DUSP29: variants seen among roughly 807,000 people sequenced by gnomAD.
DUSP29 encodes atypical dual-specific protein phosphatase.
DUSP29 carries 12 observed loss-of-function variants against 13.5 expected under a neutral mutation model. That is an observed-to-expected ratio of 0.89 (90% CI 0.57 to 1.44). The LOEUF (loss-of-function observed/expected upper bound fraction) is 1.44. Ranked by LOEUF, DUSP29 falls within the 40% of genes most tolerant of loss-of-function variation. The pLI is 0.00. For missense variants in DUSP29, 308 were observed against 301.1 expected, an observed-to-expected ratio of 1.02 and a Z score of -0.17; for synonymous variants, 134 against 128.7, an observed-to-expected ratio of 1.04 and a Z score of -0.28.
intron 1 of DUSP29, among the ~76,000 whole-genome samples, chr10:75,070,848 T>C (rs1847313608): frequency 1.3e-5 from 2 of 152,130 alleles, no homozygotes; most frequent in South Asian, 2.1e-4. Context: ...TCTGACCCCC[T>C]CGTTACTGTG....
intron 1 of DUSP29, among the ~76,000 whole-genome samples, chr10:75,072,763 C>T (rs921328): frequency 0.078 from 11,823 of 151,932 alleles, 634 homozygotes; most frequent in East Asian, 0.2. Flanking sequence ...CTTTCCCGAA[C>T]GATCAGAGCC....
At chr10:75,060,468 TAAA>T (rs56741186) in intron 1 of DUSP29, among the ~76,000 whole-genome samples, 166 of 124,446 alleles carry the variant, frequency 1.3e-3, no homozygotes, top group East Asian at 3.7e-3. Flanking sequence ...TGAGACCTTA[TAAA>T]AAAAAAAAAA....
rs764552871 is a variant in DUSP29 at position 75,037,857 on chromosome 10, C to T, written c.642G>A (p.Glu214=). The T allele has an allele frequency of 2.0e-5, 32 of 1,608,762 alleles. No individual in the cohort carries two copies. In the East Asian group the frequency reaches 5.4e-4, roughly 27 times the overall value. The part of the protein sequence containing the change: ...RRRSQRQDGE[E]EDGREL Reference sequence around the variant, plus strand: ...GGGCCTACAGCTCCCTGCCATCCTCCTCCTCACCGTCCTGGCGCTGGGACC... The same window carrying T: ...GGGCCTACAGCTCCCTGCCATCCTCTTCCTCACCGTCCTGGCGCTGGGACC... Residue 214 remains glutamate, a synonymous_variant, in exon 4 of 4, where the codon GAG becomes GAA. Transcript: ENST00000338487.
At chr10:75,050,687 C>T (rs757075669) in intron 2 of DUSP29, among the ~76,000 whole-genome samples, 1 of 152,260 alleles carries the variant, frequency 6.6e-6, no homozygotes, top group Non-Finnish European at 1.5e-5. Context: ...CCCTCCGCTC[C>T]ACGCTGAGCC....
At chr10:75,063,553 C>A (rs535648739) in intron 1 of DUSP29, among the ~76,000 whole-genome samples, 117 of 152,124 alleles carry the variant, frequency 7.7e-4, no homozygotes, top group Non-Finnish European at 1.3e-3. Flanking sequence ...CTGAGTGGAC[C>A]ACTTTTGAAA....
At chr10:75,065,709 GA>G (rs1847187148) in intron 1 of DUSP29, among the ~76,000 whole-genome samples, 1 of 149,314 alleles carries the variant, frequency 6.7e-6, no homozygotes, top group Non-Finnish European at 1.5e-5. Context: ...TTTTTCCGTA[GA>G]GACAGGGCCT....
At chr10:75,049,508 C>A (rs1413810667) in intron 2 of DUSP29, among the ~76,000 whole-genome samples, 3 of 152,248 alleles carry the variant, frequency 2.0e-5, no homozygotes, top group African/African-American at 7.2e-5. Context: ...GGGCCTCAGG[C>A]TTCTCTCCCC....
chr10:75,059,723 G>A (rs1175705970), intron 1 of DUSP29, among the ~76,000 whole-genome samples: 1 of 152,062 alleles, frequency 6.6e-6, no homozygotes, highest in Non-Finnish European at 1.5e-5. Flanking sequence ...AAGGGTTCAT[G>A]GCTTCAAAGA....
intron 1 of DUSP29, among the ~76,000 whole-genome samples, chr10:75,066,435 T>G (rs1470373408): frequency 6.6e-6 from 1 of 151,796 alleles, no homozygotes; most frequent in Non-Finnish European, 1.5e-5. Context: ...AAAGCAGAAG[T>G]TTGTGAAGCA....
At chr10:75,070,506 G>A (rs919457858) in intron 1 of DUSP29, among the ~76,000 whole-genome samples, 2 of 152,220 alleles carry the variant, frequency 1.3e-5, no homozygotes, top group African/African-American at 2.4e-5. Flanking sequence ...TGAATTAAAT[G>A]AGATAATGTA....
At chr10:75,039,174 C>T (rs1846534104) in intron 3 of DUSP29, among the ~76,000 whole-genome samples, 1 of 152,152 alleles carries the variant, frequency 6.6e-6, no homozygotes, top group Non-Finnish European at 1.5e-5. Flanking sequence ...CCCTCTCATG[C>T]TTGGAGATAC....
intron 1 of DUSP29, among the ~76,000 whole-genome samples, chr10:75,068,566 G>A (rs1160076087): frequency 1.3e-5 from 2 of 152,064 alleles, no homozygotes; most frequent in Admixed American, 6.6e-5. Context: ...AAAGCATGGC[G>A]CTCATGGGGA....
intron 1 of DUSP29, among the ~76,000 whole-genome samples, chr10:75,059,399 C>G (rs1339422716): frequency 6.6e-6 from 1 of 152,094 alleles, no homozygotes; most frequent in African/African-American, 2.4e-5. Context: ...GGAAAGGAGA[C>G]TGGAGAGAAG....
At chr10:75,052,586 C>T (rs373029337) in intron 2 of DUSP29, among the ~76,000 whole-genome samples, 8 of 152,260 alleles carry the variant, frequency 5.3e-5, no homozygotes, top group African/African-American at 1.2e-4. Flanking sequence ...GGATTACAGG[C>T]GTGAGCCAAC....
Position 75,058,489 on chromosome 10 carries a change from C to A in DUSP29, c.26G>T (p.Ser9Ile). MTSGEVKTSLKNAYSSAKR... is the reference protein window; with the variant it reads MTSGEVKTILKNAYSSAKR... The stretch of plus-strand genomic sequence containing the variant: ...GGCAGATGAGTAGGCATTCTTGAGG[C>A]TTGTCTTCACTTCTCCAGATGTCAT... Residue 9 changes from serine (S) to isoleucine (I), a missense_variant, in exon 2 of 4, where the codon AGC (serine) becomes ATC (isoleucine). Physicochemically the swap from Ser to Ile is moderately radical, Grantham distance 142. Transcript: ENST00000338487. 6.2e-7 allele frequency: 1 copy of A among 1,614,214 alleles called. No individual in the cohort carries two copies. The highest frequency in any genetic ancestry group is 8.5e-7 in the Non-Finnish European group (1 of 1,180,052).
chr10:75,048,584 G>A (rs1846754188), intron 2 of DUSP29, among the ~76,000 whole-genome samples: 1 of 151,996 alleles, frequency 6.6e-6, no homozygotes, highest in African/African-American at 2.4e-5. Context: ...ATTTTTAGTA[G>A]AGACAGGGTT....
chr10:75,045,127 C>A (rs567588302), intron 2 of DUSP29, among the ~76,000 whole-genome samples: 3 of 152,348 alleles, frequency 2.0e-5, no homozygotes, highest in Admixed American at 1.3e-4. Context: ...GAAGCCGAGG[C>A]AGGCAAATCA....
At chr10:75,048,581 G>A (rs1434878044) in intron 2 of DUSP29, among the ~76,000 whole-genome samples, 1 of 152,024 alleles carries the variant, frequency 6.6e-6, no homozygotes, top group Non-Finnish European at 1.5e-5. Context: ...TGTATTTTTA[G>A]TAGAGACAGG....
intron 2 of DUSP29, among the ~76,000 whole-genome samples, chr10:75,051,562 A>G (rs750237763): frequency 6.6e-6 from 1 of 152,210 alleles, no homozygotes; most frequent in Non-Finnish European, 1.5e-5. Flanking sequence ...CAGGCCCCAC[A>G]GTCACTGGCC....
Sources: gnomAD v4.1 joint callset for allele counts (sites outside exome capture counted in the v4.1 genomes callset) on GRCh38, gnomAD v4.1.1 for gene constraint, MANE v1.5 for transcripts, NCBI Gene and HGNC (gene_info 2026-07-23, HGNC 2026-07-21) for gene names.